Variants in DNAH11 observed in about 807,000 individuals in gnomAD.
The protein encoded by DNAH11 is axonemal beta dynein heavy chain 11.
In DNAH11, 442 loss-of-function variants were observed where a neutral mutation model predicts 526.0. That is an observed-to-expected ratio of 0.84 (90% confidence interval 0.78 to 0.91). The LOEUF is 0.91. DNAH11 is among the 40% of genes least tolerant of loss of function. The pLI is 0.00. For synonymous variants in DNAH11, 2,461 were observed against 1,935.9 expected, an observed-to-expected ratio of 1.27 and a Z score of -7.12; for missense variants, 6,989 against 5,448.7, an observed-to-expected ratio of 1.28 and a Z score of -8.90.
In DNAH11 at chr7:21,707,767, T is replaced by C; in HGVS notation, c.6615T>C (p.Pro2205=). 1.2e-6 allele frequency: 2 copies of C among 1,613,140 alleles called. No individual in the cohort carries two copies. Among genetic ancestry groups the C allele is most frequent in the Non-Finnish European group, 1.7e-6 (2 of 1,179,478 alleles). The change falls in exon 40 of 82, where the codon CCT becomes CCC. Residue 2205 remains proline, a synonymous_variant. Transcript: ENST00000409508. Reference sequence around the variant, plus strand: ...AGCCGGTTTGGAATGACTTAAACCCTAAAGCTGTGACAACAGATGAACTCT... The same window carrying C: ...AGCCGGTTTGGAATGACTTAAACCCCAAAGCTGTGACAACAGATGAACTCT... ...KQKPVWNDLN[P]KAVTTDELFG... is the part of the protein sequence containing the mutation.
At chr7:21,740,362 A>T (rs1166889254) in intron 48 of DNAH11, among the ~76,000 whole-genome samples, 1 of 152,024 alleles carries the variant, frequency 6.6e-6, no homozygotes, top group Non-Finnish European at 1.5e-5. Context: ...CTGAAACTCC[A>T]CCCACTGAGC....
intron 9 of DNAH11, among the ~76,000 whole-genome samples, chr7:21,584,225 A>G (rs189170793): frequency 1.3e-5 from 2 of 152,362 alleles, no homozygotes; most frequent in Admixed American, 1.3e-4. Flanking sequence ...TGGCACATGT[A>G]CACCATGGAA....
At chr7:21,735,349 C>G (rs10276395) in intron 45 of DNAH11, among the ~76,000 whole-genome samples, 1 of 152,130 alleles carries the variant, frequency 6.6e-6, no homozygotes, top group East Asian at 1.9e-4. Context: ...GAATTAGGAG[C>G]CTTGGGGGCT....
At chr7:21,843,653 G>A (rs1782304258) in intron 66 of DNAH11, among the ~76,000 whole-genome samples, 1 of 151,938 alleles carries the variant, frequency 6.6e-6, no homozygotes, top group Non-Finnish European at 1.5e-5. Flanking sequence ...GCTAATTTTT[G>A]TATTTTTAGT....
At chr7:21,753,263 A>G (rs1246604965) in intron 54 of DNAH11, among the ~76,000 whole-genome samples, 1 of 152,186 alleles carries the variant, frequency 6.6e-6, no homozygotes, top group Non-Finnish European at 1.5e-5. Context: ...ACTCTGTACC[A>G]GGAAACCTAA....
At chr7:21,729,592 A>C (rs1330414574) in intron 45 of DNAH11, among the ~76,000 whole-genome samples, 1 of 152,210 alleles carries the variant, frequency 6.6e-6, no homozygotes, top group Non-Finnish European at 1.5e-5. Flanking sequence ...TCAGTTAAGT[A>C]CTTGAGTTAG....
At chr7:21,589,776 CT>C (rs1393950683) in intron 12 of DNAH11, among the ~76,000 whole-genome samples, 1 of 152,058 alleles carries the variant, frequency 6.6e-6, no homozygotes, top group Non-Finnish European at 1.5e-5. Context: ...CAGTTTCTGG[CT>C]TAAATATATT....
intron 42 of DNAH11, 76 bp from the exon 43 acceptor site, chr7:21,717,699 A>T: frequency 6.4e-7 from 1 of 1,556,862 alleles, no homozygotes; most frequent in East Asian, 2.3e-5. Flanking sequence ...GTGTCAAAGG[A>T]GGAAGCTTTT....
intron 66 of DNAH11, chr7:21,851,385 A>C (rs1782630653): frequency 3.3e-6 from 1 of 301,868 alleles, no homozygotes; most frequent in Non-Finnish European, 6.7e-6. Flanking sequence ...TTTTCTTTTT[A>C]AATTACCCAG....
rs201227717 is a variant in DNAH11 at position 21,784,603 on chromosome 7, G to T, written c.9597+63G>T. 1.7e-3 allele frequency: 2,014 copies of T among 1,187,264 alleles called. 7 individuals are homozygous for T. The highest frequency in any genetic ancestry group is 8.4e-3 in the Middle Eastern group (42 of 4,992). 73.5% of individuals were successfully genotyped at this position (1,187,264 alleles called of 1,614,324 possible). On this transcript the variant is annotated intron_variant, in intron 58 of 81. Transcript: ENST00000409508. ...TAATATTTAAAGGTTATTAGAGTTT[G>T]AATAACTGAGCTGAGAGAGTAGCCC...
At position 21,543,237 on chromosome 7, in the gene DNAH11, G is replaced by C. The variant is rs1338057340; in HGVS notation, c.-9G>C. ...CAGCCGGCCTCGCGTTCCCTCGGACGGTTGCCCAATGGCAGCCCAGGTGGC... is the reference window on the plus strand; with the variant it reads ...CAGCCGGCCTCGCGTTCCCTCGGACCGTTGCCCAATGGCAGCCCAGGTGGC... On this transcript the variant is annotated 5_prime_UTR_variant, in exon 1 of 82. Coordinates refer to ENST00000409508, the MANE Select transcript of DNAH11 (RefSeq NM_001277115.2). The C allele has an allele frequency of 3.3e-6, 5 of 1,525,040 alleles. No homozygotes were observed. The highest frequency in any genetic ancestry group is 2.4e-5 in the South Asian group (2 of 82,334). The allele number at this position is 1,525,040 out of a possible 1,614,324, so 94.5% of individuals were successfully genotyped here.
intron 56 of DNAH11, among the ~76,000 whole-genome samples, chr7:21,777,416 A>C (rs1046687944): frequency 2.0e-5 from 3 of 151,866 alleles, no homozygotes; most frequent in African/African-American, 7.3e-5. Context: ...TTTTGTAGGC[A>C]TAAATCCACA....
chr7:21,687,802 C>G (rs929551968), intron 34 of DNAH11, among the ~76,000 whole-genome samples: 5 of 152,150 alleles, frequency 3.3e-5, no homozygotes, highest in African/African-American at 1.2e-4. Context: ...TGCTTGTGAT[C>G]CTGGCACTTT....
At chr7:21,782,218 C>A (rs563913573) in intron 57 of DNAH11, among the ~76,000 whole-genome samples, 1 of 152,204 alleles carries the variant, frequency 6.6e-6, no homozygotes, top group Non-Finnish European at 1.5e-5. Flanking sequence ...CAGAGAATTT[C>A]TGGTCTACCC....
intron 45 of DNAH11, among the ~76,000 whole-genome samples, chr7:21,735,177 A>G (rs1288597191): frequency 1.3e-5 from 2 of 152,196 alleles, no homozygotes; most frequent in Admixed American, 1.3e-4. Flanking sequence ...CTCAGAACAA[A>G]CAAACAAACC....
intron 76 of DNAH11, among the ~76,000 whole-genome samples, chr7:21,885,169 T>TGTAAAAAAAAAAAAAAAAA (rs367811733): frequency 2.2e-5 from 2 of 89,384 alleles, no homozygotes; most frequent in Admixed American, 1.3e-4. Context: ...CCAAATGAAC[T>TGTAAAAAAAAAAAAAAAAA]ATAAAAAAAA....
intron 30 of DNAH11, among the ~76,000 whole-genome samples, chr7:21,671,945 G>C (rs1299516030): frequency 2.0e-5 from 3 of 152,164 alleles, no homozygotes; most frequent in Non-Finnish European, 4.4e-5. Context: ...GGTTTTAGCA[G>C]TAGGATTAAA....
chr7:21,638,741 A>G (rs1030195147), intron 27 of DNAH11, among the ~76,000 whole-genome samples, 198 bp from the exon 28 acceptor site: 1 of 147,972 alleles, frequency 6.8e-6, no homozygotes, highest in East Asian at 2.0e-4. Context: ...TGTATTTGGC[A>G]TAGTACTCTT....
chr7:21,608,588 A>G (rs557559637), intron 20 of DNAH11, among the ~76,000 whole-genome samples: 1 of 152,350 alleles, frequency 6.6e-6, no homozygotes, highest in African/African-American at 2.4e-5. Flanking sequence ...TTCACTTGGC[A>G]GAAGAAAATT....
Sources: allele counts gnomAD v4.1 joint callset (sites outside exome capture counted in the v4.1 genomes callset), GRCh38; gene constraint gnomAD v4.1.1; transcripts MANE v1.5; gene names NCBI Gene and HGNC (gene_info 2026-07-23, HGNC 2026-07-21).